Variants in TBC1D10B observed in about 807,000 individuals in gnomAD.
TBC1D10B encodes Rab27A-GAPbeta.
In TBC1D10B, 25 loss-of-function variants were observed where a neutral mutation model predicts 78.4. That is an observed-to-expected ratio of 0.32 (90% CI 0.23 to 0.45). The LOEUF (loss-of-function observed/expected upper bound fraction) is 0.45. TBC1D10B is among the 20% of genes least tolerant of loss of function. TBC1D10B has a pLI of 1.00. For missense variants in TBC1D10B, 996 were observed against 1,104.8 expected (o/e 0.90, Z 1.40); for synonymous variants, 517 against 478.0 (o/e 1.08, Z -1.06).
rs903437763 is a variant in TBC1D10B at position 30,369,943 on chromosome 16, C to T, written c.241G>A (p.Ala81Thr). The T allele has an allele frequency of 8.2e-7, 1 of 1,217,180 alleles. No homozygotes were observed. The highest frequency in any genetic ancestry group is 1.0e-6 in the Non-Finnish European group (1 of 954,806). The allele number at this position is 1,217,180 out of a possible 1,614,324, so 75.4% of individuals were successfully genotyped here. A position where few individuals can be genotyped will look rare whatever the true frequency, so the allele number is the denominator to read the frequency against. Reference protein sequence around the residue: ...APAPAPAPAPAPAVTGSTVVV... With the variant: ...APAPAPAPAPTPAVTGSTVVV... Reference sequence around the variant, plus strand: ...ACCGTGCTGCCCGTGACAGCCGGGGCTGGGGCCGGGGCTGGGGCCGGGGCC... The same window carrying T: ...ACCGTGCTGCCCGTGACAGCCGGGGTTGGGGCCGGGGCTGGGGCCGGGGCC... The change falls in exon 1 of 9, where the codon GCC (alanine) becomes ACC (threonine). Residue 81 changes from alanine (A) to threonine (T), a missense_variant. Coordinates refer to ENST00000409939, the MANE Select transcript of TBC1D10B (RefSeq NM_015527.4). The surrounding 1 kb of genome is among the most constrained non-coding windows in gnomAD (Gnocchi z 4.3).
At chr16:30,363,823 A>C (rs1359463902) in intron 4 of TBC1D10B, among the ~76,000 whole-genome samples, 3 of 152,130 alleles carry the variant, frequency 2.0e-5, no homozygotes, top group African/African-American at 7.2e-5. Flanking sequence ...TATTGATTTA[A>C]AAAATTGTCC....
rs749390132 is a variant in TBC1D10B at position 30,358,693 on chromosome 16, C to G, written c.1767G>C (p.Gln589His). ...GCACCAGGAAGTCTTCCTGCATGCA[C>G]TGCTGGGGCAGGTTACGCAGCTGCT... is the stretch of plus-strand genomic sequence containing the variant. ...TMEQLRNLPQ[Q>H]CMQEDFLVHE... is the part of the protein sequence containing the mutation. The change falls in exon 8 of 9, where the codon CAG becomes CAC. Residue 589 changes from glutamine to histidine, a missense_variant. Physicochemically the swap from Gln to His is conservative, Grantham distance 24. Transcript: ENST00000409939. 1 of 1,609,942 alleles carries G rather than the reference C, an allele frequency of 6.2e-7. No homozygotes were observed. The highest frequency in any genetic ancestry group is 2.2e-5 in the East Asian group (1 of 44,742).
intron 1 of TBC1D10B, chr16:30,366,838 G>A (rs1440097912): frequency 6.6e-6 from 1 of 152,174 alleles, no homozygotes; most frequent in Non-Finnish European, 1.5e-5. Flanking sequence ...CTGTCTCTGA[G>A]ACAATAGGGA....
intron 1 of TBC1D10B, among the ~76,000 whole-genome samples, chr16:30,368,457 A>C (rs1157525173): frequency 6.6e-6 from 1 of 152,090 alleles, no homozygotes; most frequent in Non-Finnish European, 1.5e-5. Context: ...GGCCCAGGAG[A>C]TGCTGTAGGC....
Position 30,359,349 on chromosome 16 carries a change from G to C in TBC1D10B, c.1465C>G (p.Leu489Val), listed in dbSNP as rs1474996856. The C allele has an allele frequency of 6.4e-7, 1 of 1,569,558 alleles. No individual in the cohort carries two copies. The highest frequency in any genetic ancestry group is 2.4e-5 in the East Asian group (1 of 41,970). ...AGTGCAAAAAAGATCTCCCCGTCCA[G>C]CTGAATGGCCTCCTGCAGGTGGGAC... ...YYSAGLEAIQLDGEIFFALLR... is the reference protein window; with the variant it reads ...YYSAGLEAIQVDGEIFFALLR... The change falls in exon 7 of 9, where the codon CTG becomes GTG. Residue 489 changes from leucine to valine, a missense_variant. Coordinates refer to ENST00000409939, the MANE Select transcript of TBC1D10B (RefSeq NM_015527.4).
rs1311433338 is a variant in TBC1D10B at position 30,369,270 on chromosome 16, T to C, written c.914A>G (p.Asp305Gly). The C allele has an allele frequency of 6.3e-7, 1 of 1,588,034 alleles. No homozygotes were observed. Among genetic ancestry groups the C allele is most frequent in the Non-Finnish European group, 8.6e-7 (1 of 1,167,950 alleles). The change falls in exon 1 of 9, where the codon GAC becomes GGC. Residue 305 changes from aspartate to glycine, a missense_variant. By Grantham distance (94) the Asp-to-Gly change is moderately conservative (BLOSUM62 -1). Transcript: ENST00000409939. The surrounding 1 kb of genome is among the most constrained non-coding windows in gnomAD (Gnocchi z 4.3). ...GCTGCCCCCAAGGAAGCCATACTTG[T>C]CCGTCTTGCGCAGGGCCAGCCCGTT... ...EINGLALRKT[D>G]KYGFLGGSQY...
At chr16:30,362,399 G>GA (rs2049605218) in intron 4 of TBC1D10B, among the ~76,000 whole-genome samples, 1 of 152,166 alleles carries the variant, frequency 6.6e-6, no homozygotes, top group African/African-American at 2.4e-5. Flanking sequence ...GCTGATGCTT[G>GA]AAACCCCACT....
rs2049567234 is a variant in TBC1D10B, at chr16:30,358,069, G to C, written c.2302C>G (p.Gln768Glu). ...CCTTGAGCCTTCTTCTCCTGCTTCT[G>C]CCGCTCCTTCTCCTGCTTCTCTCGC... ...KEREKQEKER[Q>E]KQEKKAQGRK... Residue 768 changes from glutamine to glutamate, a missense_variant, in exon 9 of 9, where the codon CAG (glutamine) becomes GAG (glutamate). By Grantham distance (29) the Gln-to-Glu change is conservative. Transcript: ENST00000409939. 1 of 1,551,602 alleles carries C rather than the reference G, an allele frequency of 6.4e-7. No individual in the cohort carries two copies. Among genetic ancestry groups the C allele is most frequent in the Non-Finnish European group, 8.7e-7 (1 of 1,146,702 alleles).
intron 7 of TBC1D10B, 58 bp downstream of exon 7, chr16:30,359,114 C>G: frequency 1.3e-6 from 2 of 1,531,262 alleles, no homozygotes; most frequent in Non-Finnish European, 1.8e-6. Context: ...ATGACAGAAC[C>G]CCTGGTAGCC....
In TBC1D10B at chr16:30,364,991, G is replaced by C. The variant is rs2049625914; in HGVS notation, c.1180C>G (p.Pro394Ala). Residue 394 changes from proline to alanine, a missense_variant, in exon 4 of 9, where the codon CCT becomes GCT. Around this residue, in one of 5 missense-constraint regions of TBC1D10B, gnomAD observed 93 missense variants for 152.7 expected, o/e 0.61. Coordinates refer to ENST00000409939, the MANE Select transcript of TBC1D10B (RefSeq NM_015527.4). ...ACATCCAGCCACTTGGGGTCCCCAGGAGCCCGTTCCAGCTCCTGCAGTGGG... is the reference window on the plus strand; with the variant it reads ...ACATCCAGCCACTTGGGGTCCCCAGCAGCCCGTTCCAGCTCCTGCAGTGGG... ...PGKFEELERA[P>A]GDPKWLDVIE... is the part of the protein sequence containing the mutation. 6.2e-7 allele frequency: 1 copy of C among 1,613,354 alleles called. No homozygotes were observed. Among genetic ancestry groups the C allele is most frequent in the South Asian group, 1.1e-5 (1 of 90,960 alleles).
chr16:30,365,028 T>C lies in TBC1D10B; in HGVS notation c.1165-22A>G, dbSNP rs1371234330. On this transcript the variant is annotated intron_variant, in intron 3 of 8. Coordinates refer to ENST00000409939, the MANE Select transcript of TBC1D10B (RefSeq NM_015527.4). This position sits in a 1 kb window ranked among gnomAD's most constrained non-coding sequence, Gnocchi z 5.0. ...GCTCCTGCAGTGGGACAGTGGGGAT[T>C]ACCTCAGCATCTGGGGGAACTGATA... is the stretch of plus-strand genomic sequence containing the variant. 1 of 1,612,996 alleles carries C rather than the reference T, an allele frequency of 6.2e-7. No homozygotes were observed.
intron 4 of TBC1D10B, among the ~76,000 whole-genome samples, chr16:30,361,265 C>T (rs2049596917): frequency 6.6e-6 from 1 of 152,154 alleles, no homozygotes; most frequent in Non-Finnish European, 1.5e-5. Flanking sequence ...TGCACTCCAG[C>T]CTGGGCGACA....
At chr16:30,360,936 C>G (rs1022302182) in intron 4 of TBC1D10B, among the ~76,000 whole-genome samples, 6 of 151,872 alleles carry the variant, frequency 4.0e-5, no homozygotes, top group African/African-American at 1.5e-4. Context: ...ATCAATTTCT[C>G]TCTCCACCGT....
At chr16:30,367,473 T>C (rs2049645629) in intron 1 of TBC1D10B, 1 of 152,156 alleles carries the variant, frequency 6.6e-6, no homozygotes, top group Non-Finnish European at 1.5e-5. Flanking sequence ...ATAACTGTAA[T>C]ACAGCATGGG....
At chr16:30,359,099 G>A (rs759049182) in intron 7 of TBC1D10B, 73 bp downstream of exon 7, 1 of 1,499,850 alleles carries the variant, frequency 6.7e-7, no homozygotes, top group South Asian at 1.3e-5. Flanking sequence ...TGGACCACCA[G>A]AAATATGACA....
chr16:30,359,624 G>C (rs1026741524), intron 5 of TBC1D10B, 21 bp from the exon 6 acceptor site: 11 of 1,557,642 alleles, frequency 7.1e-6, no homozygotes, highest in Non-Finnish European at 9.6e-6. Context: ...CAAGAACAAG[G>C]AGGAGGGGTG....
chr16:30,369,173 T>A lies in TBC1D10B; in HGVS notation c.956+55A>T. The A allele has an allele frequency of 6.8e-7, 1 of 1,480,908 alleles. No individual in the cohort carries two copies. Among genetic ancestry groups the A allele is most frequent in the Admixed American group, 2.4e-5 (1 of 42,314 alleles). 91.7% of individuals were successfully genotyped at this position (1,480,908 alleles called of 1,614,324 possible). A position where few individuals can be genotyped will look rare whatever the true frequency, so the allele number is the denominator to read the frequency against. On this transcript the variant is annotated intron_variant, in intron 1 of 8. Transcript: ENST00000409939. The surrounding 1 kb of genome is among the most constrained non-coding windows in gnomAD (Gnocchi z 4.3). ...AAAGTGTATCGTTTTCGTTTCGCCCTCCCCCAACCTTTGCTTCCCCGAGGC... is the reference window on the plus strand; with the variant it reads ...AAAGTGTATCGTTTTCGTTTCGCCCACCCCCAACCTTTGCTTCCCCGAGGC...
At position 30,358,096 on chromosome 16, in the gene TBC1D10B, C is replaced by T; in HGVS notation, c.2275G>A (p.Glu759Lys). The change falls in exon 9 of 9, where the codon GAG becomes AAG. Residue 759 changes from glutamate to lysine, a missense_variant. Physicochemically the swap from Glu to Lys is moderately conservative, Grantham distance 56 (BLOSUM62 1). Coordinates refer to ENST00000409939, the MANE Select transcript of TBC1D10B (RefSeq NM_015527.4). ...CGCTCCTTCTCCTGCTTCTCTCGCT[C>T]CTTTTCCTGCTTCTCTCGCTCTTTC... is the stretch of plus-strand genomic sequence containing the variant. ...QEKEREKQEK[E>K]REKQEKERQK... 1.3e-6 allele frequency: 2 copies of T among 1,550,694 alleles called. No individual in the cohort carries two copies. Among genetic ancestry groups the T allele is most frequent in the Middle Eastern group, 3.3e-4 (2 of 5,986 alleles).
intron 4 of TBC1D10B, among the ~76,000 whole-genome samples, chr16:30,361,631 C>T (rs951798874): frequency 6.6e-6 from 1 of 152,124 alleles, no homozygotes; most frequent in Non-Finnish European, 1.5e-5. Flanking sequence ...TCTCAAACTC[C>T]TGACCTCAGG....
Sources: allele counts gnomAD v4.1 joint callset (sites outside exome capture counted in the v4.1 genomes callset), GRCh38; gene constraint gnomAD v4.1.1; regional missense constraint gnomAD v4.1.1; non-coding constraint Gnocchi (gnomAD v3.1); transcripts MANE v1.5; gene names NCBI Gene and HGNC (gene_info 2026-07-23, HGNC 2026-07-21).